POLR2G: variants seen among roughly 807,000 people sequenced by gnomAD.
POLR2G encodes the protein RNA polymerase II subunit G.
In POLR2G, 19 loss-of-function variants were observed where a neutral mutation model predicts 25.7. That is an observed-to-expected ratio of 0.74 (90% confidence interval 0.52 to 1.08). POLR2G has a LOEUF of 1.08. Among genes scored for constraint, POLR2G ranks in the 50% least tolerant of loss-of-function variants. The pLI, the probability that POLR2G is intolerant of heterozygous loss-of-function variation, is 0.00. For missense variants in POLR2G, 123 were observed against 218.5 expected, an observed-to-expected ratio of 0.56 and a Z score of 2.76; for synonymous variants, 79 against 76.0, an observed-to-expected ratio of 1.04 and a Z score of -0.21.
intron 3 of POLR2G, among the ~76,000 whole-genome samples, chr11:62,763,584 G>A (rs1032750786): frequency 6.6e-5 from 10 of 151,956 alleles, no homozygotes; most frequent in South Asian, 2.1e-4. Context: ...TTGAGCCACC[G>A]CGCCCGGCCT....
chr11:62,762,997 G>A lies in POLR2G; in HGVS notation c.253G>A (p.Val85Met), dbSNP rs758286161. 1.9e-5 allele frequency: 30 copies of A among 1,608,602 alleles called. No homozygotes were observed. Among genetic ancestry groups the A allele is most frequent in the Non-Finnish European group, 2.5e-5 (29 of 1,176,052 alleles). The change falls in exon 3 of 8, where the codon GTG becomes ATG. Residue 85 changes from valine to methionine, a missense_variant. Coordinates refer to ENST00000301788, the MANE Select transcript of POLR2G (RefSeq NM_002696.3). ...IVFRPFKGEVVDAVVTQVNKV... is the reference protein window; with the variant it reads ...IVFRPFKGEVMDAVVTQVNKV... ...TTTCCGGCCATTTAAAGGGGAGGTC[G>A]TGGATGCTGTTGTCACTCAGGTCAA...
intron 2 of POLR2G, 28 bp downstream of exon 2, chr11:62,761,932 G>T: frequency 6.7e-7 from 1 of 1,488,280 alleles, no homozygotes; most frequent in South Asian, 1.1e-5. Context: ...CGCACCGCCA[G>T]ATCGTTCGAT....
chr11:62,765,301 C>T, intron 4 of POLR2G, 39 bp from the exon 5 acceptor site: 1 of 1,603,534 alleles, frequency 6.2e-7, no homozygotes, highest in Non-Finnish European at 8.5e-7. Flanking sequence ...ATTGAAGCAT[C>T]CATTTAAAGT....
intron 6 of POLR2G, 71 bp from the exon 7 acceptor site, chr11:62,766,172 T>A (rs1378799221): frequency 2.6e-5 from 34 of 1,289,318 alleles, no homozygotes; most frequent in African/African-American, 4.4e-5. Context: ...GCAGAAGGCC[T>A]GGGGCTGCAG....
intron 2 of POLR2G, 127 bp downstream of exon 2, chr11:62,762,031 G>T: frequency 2.9e-6 from 2 of 679,448 alleles, no homozygotes; most frequent in Non-Finnish European, 5.1e-6. Flanking sequence ...CTCTCAGGCA[G>T]CCAGTTGCTT....
intron 3 of POLR2G, among the ~76,000 whole-genome samples, chr11:62,763,484 C>A (rs1323692419): frequency 1.3e-5 from 2 of 151,724 alleles, no homozygotes; most frequent in African/African-American, 4.8e-5. Context: ...TTAGTACAGA[C>A]GGGGTTTCAC....
Position 62,766,557 on chromosome 11 carries a change from C to G in POLR2G, c.*50C>G. On this transcript the variant is annotated 3_prime_UTR_variant, in exon 8 of 8. Coordinates refer to ENST00000301788, the MANE Select transcript of POLR2G (RefSeq NM_002696.3). ...CCTACTCTAGGAAGTGTGATTGTCA[C>G]ACTTATCATGTTGTCCAGAGGTCCA... 1 of 1,576,230 alleles carries G rather than the reference C, an allele frequency of 6.3e-7. No individual in the cohort carries two copies. The highest frequency in any genetic ancestry group is 8.7e-7 in the Non-Finnish European group (1 of 1,146,026).
intron 6 of POLR2G, 129 bp downstream of exon 6, chr11:62,765,853 T>C: frequency 7.8e-6 from 5 of 640,100 alleles, no homozygotes; most frequent in Non-Finnish European, 1.1e-5. Flanking sequence ...AGTGGCGCGA[T>C]CTCGGCTCAC....
intron 4 of POLR2G, 48 bp downstream of exon 4, chr11:62,765,280 C>T (rs374600202): frequency 4.9e-5 from 78 of 1,604,086 alleles, no homozygotes; most frequent in Middle Eastern, 1.7e-4. Flanking sequence ...GATACTCATT[C>T]ATCACCATCT....
chr11:62,766,464 C>G, intron 7 of POLR2G, 30 bp from the exon 8 acceptor site: 1 of 1,613,696 alleles, frequency 6.2e-7, no homozygotes, highest in Non-Finnish European at 8.5e-7. Context: ...AATTCCGGTT[C>G]TAACTGATAT....
rs1267913898 is a variant in POLR2G, at chr11:62,761,798, TC to T, written c.19del (p.Leu7Ter). ...GCCATCCCACTTTTCTCCGCAGATC[TC>T]CCTAGAGCACGAAATCCTGCTGCAC... MFYHI[S>X]LEHEILLHPR... On this transcript the variant is annotated frameshift_variant, in exon 2 of 8. Transcript: ENST00000301788. LOFTEE classifies it high-confidence loss of function. 1 of 1,613,770 alleles carries T rather than the reference TC, an allele frequency of 6.2e-7. No homozygotes were observed. The highest frequency in any genetic ancestry group is 8.5e-7 in the Non-Finnish European group (1 of 1,179,866).
rs548056315 is a variant in POLR2G at position 62,765,312 on chromosome 11, G to T, written c.334-28G>T. 3.1e-6 allele frequency: 5 copies of T among 1,610,244 alleles called. No individual in the cohort carries two copies. The Middle Eastern group carries it at 5.0e-4, about 160-fold the overall frequency. ...ATCTATTGAAGCATCCATTTAAAGT[G>T]CTAACCTAGATCTCACTTTCCTTTC... On this transcript the variant is annotated intron_variant, in intron 4 of 7. Coordinates refer to ENST00000301788, the MANE Select transcript of POLR2G (RefSeq NM_002696.3).
intron 7 of POLR2G, 95 bp from the exon 8 acceptor site, chr11:62,766,399 G>T: frequency 6.5e-7 from 1 of 1,544,558 alleles, no homozygotes; most frequent in Non-Finnish European, 9.0e-7. Flanking sequence ...CTGTCTGCTT[G>T]AAAGATCCAG....
At chr11:62,763,097 C>CAT (rs1247818883) in intron 3 of POLR2G, 71 bp downstream of exon 3, 9 of 734,418 alleles carry the variant, frequency 1.2e-5, no homozygotes, top group Non-Finnish European at 1.9e-5. Flanking sequence ...GGCTCCACTT[C>CAT]ATAACTCTGT....
intron 2 of POLR2G, 120 bp downstream of exon 2, chr11:62,762,024 T>A (rs922728692): frequency 2.8e-6 from 2 of 710,812 alleles, no homozygotes; most frequent in Admixed American, 2.5e-5. Flanking sequence ...CTCTCCTCTC[T>A]CAGGCAGCCA....
At chr11:62,765,588 A>G in intron 5 of POLR2G, 65 bp from the exon 6 acceptor site, 1 of 1,217,140 alleles carries the variant, frequency 8.2e-7, no homozygotes, top group Non-Finnish European at 1.2e-6. Flanking sequence ...CTTACAGTGA[A>G]GTGATTGTGA....
At position 62,765,407 on chromosome 11, in the gene POLR2G, T is replaced by C; in HGVS notation, c.399+2T>C. The stretch of plus-strand genomic sequence containing the variant: ...CCATGTTACAAGACAATGGATGAGG[T>C]GAGTGGACAGAAAGAAGTCAGGGAG... On this transcript the variant is annotated splice_donor_variant, in intron 5 of 7. Transcript: ENST00000301788. LOFTEE classifies it high-confidence loss of function. The C allele has an allele frequency of 6.2e-7, 1 of 1,608,898 alleles. No homozygotes were observed. The highest frequency in any genetic ancestry group is 8.5e-7 in the Non-Finnish European group (1 of 1,175,564).
intron 7 of POLR2G, 93 bp downstream of exon 7, chr11:62,766,369 A>G: frequency 6.6e-7 from 1 of 1,515,904 alleles, no homozygotes; most frequent in African/African-American, 1.4e-5. Flanking sequence ...CAAATCAGAG[A>G]GACAGAAGAA....
Position 62,763,037 on chromosome 11 carries a change from A to C in POLR2G, c.282+11A>C, listed in dbSNP as rs376636762. On this transcript the variant is annotated intron_variant, in intron 3 of 7. Coordinates refer to ENST00000301788, the MANE Select transcript of POLR2G (RefSeq NM_002696.3). The stretch of plus-strand genomic sequence containing the variant: ...ACTCAGGTCAACAAGGTGAGACCAT[A>C]CATAGGGGAGGCAGTGGGGTAGTCT... The C allele has an allele frequency of 1.9e-5, 29 of 1,567,540 alleles. No individual in the cohort carries two copies. The highest frequency in any genetic ancestry group is 2.5e-5 in the Non-Finnish European group (29 of 1,148,186).
Sources: gnomAD v4.1 joint callset for allele counts (sites outside exome capture counted in the v4.1 genomes callset) on GRCh38, gnomAD v4.1.1 for gene constraint, MANE v1.5 for transcripts, NCBI Gene and HGNC (gene_info 2026-07-23, HGNC 2026-07-21) for gene names.